Variants in DHRS11 observed in about 807,000 individuals in gnomAD.
The protein encoded by DHRS11 is dehydrogenase/reductase 11, also known as dehydrogenase/reductase SDR family member 11.
DHRS11 carries 18 observed loss-of-function variants against 30.7 expected under a neutral mutation model. The ratio of observed to expected loss-of-function variants is 0.59; its 90% CI spans 0.41 to 0.87. The LOEUF is 0.87. DHRS11 is among the 40% of genes least tolerant of loss of function. The pLI, the probability that DHRS11 is intolerant of heterozygous loss-of-function variation, is 0.00. For missense variants in DHRS11, 300 were observed against 349.0 expected (o/e 0.86, Z 1.12); for synonymous variants, 123 against 139.6 (o/e 0.88, Z 0.84).
intron 2 of DHRS11, chr17:36,597,548 C>T (rs1395417492): frequency 8.9e-5 from 14 of 158,112 alleles, no homozygotes; most frequent in Non-Finnish European, 5.5e-5. Flanking sequence ...CTAGAGTCTC[C>T]GTGCCTAGTC....
intron 1 of DHRS11, among the ~76,000 whole-genome samples, chr17:36,593,604 G>A (rs1791797196): frequency 6.6e-6 from 1 of 152,232 alleles, no homozygotes; most frequent in Non-Finnish European, 1.5e-5. Flanking sequence ...CCTGTTTCCT[G>A]AAGTGATCAA....
Position 36,598,926 on chromosome 17 carries a change from C to T in DHRS11, c.458C>T (p.Ser153Phe). Residue 153 changes from serine (S) to phenylalanine (F), a missense_variant, in exon 4 of 7, where the codon TCT becomes TTT. Ser to Phe is a radical substitution (Grantham distance 155). Coordinates refer to ENST00000618403, the MANE Select transcript of DHRS11 (RefSeq NM_024308.4). ...DGHIININSM[S>F]GHRVLPLSVT... ...CCCTTCCTCTCCCCACCCAGCATGTCTGGCCACCGAGTGTTACCCCTGTCT... is the reference window on the plus strand; with the variant it reads ...CCCTTCCTCTCCCCACCCAGCATGTTTGGCCACCGAGTGTTACCCCTGTCT... 2 of 1,612,554 alleles carry T rather than the reference C, an allele frequency of 1.2e-6. No individual in the cohort carries two copies. The highest frequency in any genetic ancestry group is 8.5e-7 in the Non-Finnish European group (1 of 1,179,412).
chr17:36,592,060 G>A lies in DHRS11; in HGVS notation c.51G>A (p.Thr17=), dbSNP rs963143057. The A allele has an allele frequency of 8.1e-7, 1 of 1,236,358 alleles. No homozygotes were observed. The highest frequency in any genetic ancestry group is 3.1e-5 in the East Asian group (1 of 31,826). 76.6% of individuals were successfully genotyped at this position (1,236,358 alleles called of 1,614,324 possible). A position where few individuals can be genotyped will look rare whatever the true frequency, so the allele number is the denominator to read the frequency against. The part of the protein sequence containing the change: ...ERWRDRLALV[T]GASGGIGAAV... The stretch of plus-strand genomic sequence containing the variant: ...GGCGCGACCGGCTGGCGCTGGTGAC[G>A]GGGGCCTCGGGGGGCATCGGCGCGG... The change falls in exon 1 of 7, where the codon ACG becomes ACA. Residue 17 remains threonine (T), a synonymous_variant. Transcript: ENST00000618403. This position sits in a 1 kb window ranked among gnomAD's most constrained non-coding sequence, Gnocchi z 4.4.
Position 36,595,147 on chromosome 17 carries a change from A to G in DHRS11, c.324A>G (p.Ser108=), listed in dbSNP as rs749654814. 14 of 1,613,908 alleles carry G rather than the reference A, an allele frequency of 8.7e-6. No homozygotes were observed. In the East Asian group the frequency reaches 2.9e-4, roughly 33 times the overall value. The part of the protein sequence containing the change: ...AGLARPDTLL[S]GSTSGWKDMF... ...TGGCCCGGCCTGACACCCTGCTCTC[A>G]GGCAGCACCAGTGGTTGGAAGGACA... Residue 108 remains serine, a synonymous_variant, in exon 2 of 7, where the codon TCA becomes TCG. Transcript: ENST00000618403.
At position 36,591,893 on chromosome 17, in the gene DHRS11, T is replaced by C; in HGVS notation, c.-117T>C. 9.2e-7 allele frequency: 1 copy of C among 1,089,914 alleles called. No homozygotes were observed. The highest frequency in any genetic ancestry group is 1.2e-6 in the Non-Finnish European group (1 of 865,600). 67.5% of individuals were successfully genotyped at this position (1,089,914 alleles called of 1,614,324 possible). ...GGAGGCAGGCCGGGACTCTGGTGGG[T>C]CTAGGCGCGGATCGGACCCAAGCAG... On this transcript the variant is annotated 5_prime_UTR_variant, in exon 1 of 7. Coordinates refer to ENST00000618403, the MANE Select transcript of DHRS11 (RefSeq NM_024308.4).
chr17:36,599,820 G>T, intron 5 of DHRS11, 57 bp downstream of exon 5: 1 of 1,602,688 alleles, frequency 6.2e-7, no homozygotes, highest in South Asian at 1.1e-5. Flanking sequence ...AAGGCAGAGG[G>T]AAGCTCGGCC....
intron 4 of DHRS11, 172 bp from the exon 5 acceptor site, chr17:36,599,499 T>C: frequency 1.6e-6 from 1 of 632,698 alleles, no homozygotes; most frequent in Non-Finnish European, 2.8e-6. Context: ...CTGTAGATGG[T>C]AGGTATCATT....
chr17:36,598,648 C>A, intron 3 of DHRS11: 1 of 527,360 alleles, frequency 1.9e-6, no homozygotes, highest in Non-Finnish European at 3.4e-6. Flanking sequence ...AGTGAACATA[C>A]AGATTAGATG....
Position 36,591,941 on chromosome 17 carries a change from C to G in DHRS11, c.-69C>G. 1 of 1,216,392 alleles carries G rather than the reference C, an allele frequency of 8.2e-7. No individual in the cohort carries two copies. Among genetic ancestry groups the G allele is most frequent in the Non-Finnish European group, 1.0e-6 (1 of 977,438 alleles). The allele number at this position is 1,216,392 out of a possible 1,614,324, so 75.3% of individuals were successfully genotyped here. A position where few individuals can be genotyped will look rare whatever the true frequency, so the allele number is the denominator to read the frequency against. ...CAGGTCGGCGGCGGCGGCAGGAGAG[C>G]GGCCGGGCGTCAGCTCCTCGACCCC... On this transcript the variant is annotated 5_prime_UTR_variant, in exon 1 of 7. Transcript: ENST00000618403.
Position 36,598,146 on chromosome 17 carries a change from C to T in DHRS11, c.358-17C>T. 6.2e-6 allele frequency: 10 copies of T among 1,613,542 alleles called. No homozygotes were observed. The highest frequency in any genetic ancestry group is 8.5e-6 in the Non-Finnish European group (10 of 1,179,630). On this transcript the variant is annotated splice_polypyrimidine_tract_variant and intron_variant, in intron 2 of 6. Coordinates refer to ENST00000618403, the MANE Select transcript of DHRS11 (RefSeq NM_024308.4). ...GGGCCGGAGTGGAGACACCTCATTG[C>T]CCTCCCTGGCCTGCAGGTGAACGTG...
At chr17:36,595,410 C>CTTT (rs34424724) in intron 2 of DHRS11, among the ~76,000 whole-genome samples, 1,430 of 51,652 alleles carry the variant, frequency 0.028, 316 homozygotes, top group Non-Finnish European at 0.038. Context: ...GGAGGTAGTT[C>CTTT]TTTTTTTTTT....
At position 36,600,611 on chromosome 17, in the gene DHRS11, G is replaced by A. The variant is rs2074852499; in HGVS notation, c.*408G>A. 1 of 282,154 alleles carries A rather than the reference G, an allele frequency of 3.5e-6. No homozygotes were observed. Among genetic ancestry groups the A allele is most frequent in the Non-Finnish European group, 6.8e-6 (1 of 146,854 alleles). 17.5% of individuals were successfully genotyped at this position (282,154 alleles called of 1,614,324 possible). On this transcript the variant is annotated 3_prime_UTR_variant, in exon 7 of 7. Coordinates refer to ENST00000618403, the MANE Select transcript of DHRS11 (RefSeq NM_024308.4). ...ATCTGTGTTGTTATCCAGGGCTCCA[G>A]ACTTCCTCCTCTGCCTGCCCCACTG...
Position 36,595,016 on chromosome 17 carries a change from A to T in DHRS11, c.193A>T (p.Ile65Phe). 5 of 1,614,142 alleles carry T rather than the reference A, an allele frequency of 3.1e-6. No individual in the cohort carries two copies. Among genetic ancestry groups the T allele is most frequent in the East Asian group, 4.5e-5 (2 of 44,884 alleles). Residue 65 changes from isoleucine (I) to phenylalanine (F), a missense_variant, in exon 2 of 7, where the codon ATC (isoleucine) becomes TTC (phenylalanine). Coordinates refer to ENST00000618403, the MANE Select transcript of DHRS11 (RefSeq NM_024308.4). ...CKSAGYPGTL[I>F]PYRCDLSNEE... ...GAGTGCAGGCTACCCCGGGACTTTG[A>T]TCCCCTACAGATGTGACCTATCAAA...
At position 36,599,780 on chromosome 17, in the gene DHRS11, A is replaced by G; in HGVS notation, c.675+17A>G. 1 of 1,613,816 alleles carries G rather than the reference A, an allele frequency of 6.2e-7. No individual in the cohort carries two copies. Among genetic ancestry groups the G allele is most frequent in the South Asian group, 1.1e-5 (1 of 91,068 alleles). ...CAAATGAAGGTGGGGCCTCCCTCTG[A>G]GCCTGGTGAAGCCACTGACTCCCTA... On this transcript the variant is annotated intron_variant, in intron 5 of 6. Transcript: ENST00000618403.
At chr17:36,599,143 C>G (rs1325835383) in intron 4 of DHRS11, 93 bp downstream of exon 4, 3 of 1,495,612 alleles carry the variant, frequency 2.0e-6, no homozygotes, top group Non-Finnish European at 2.7e-6. Flanking sequence ...CAGAATGTGC[C>G]GCTCAGAGCT....
intron 4 of DHRS11, 36 bp from the exon 5 acceptor site, chr17:36,599,635 G>C: frequency 6.2e-7 from 1 of 1,611,512 alleles, no homozygotes; most frequent in Non-Finnish European, 8.5e-7. Context: ...ACCTGGCAAA[G>C]CTCAGCCCCT....
intron 2 of DHRS11, 98 bp downstream of exon 2, chr17:36,595,278 T>A: frequency 7.2e-7 from 1 of 1,385,728 alleles, no homozygotes; most frequent in Non-Finnish European, 9.9e-7. Flanking sequence ...ACGGGACATC[T>A]AGGAAGAGGG....
rs183546692 is a variant in DHRS11, at chr17:36,595,006, C to G, written c.183C>G (p.Pro61=). 2 of 1,614,144 alleles carry G rather than the reference C, an allele frequency of 1.2e-6. No homozygotes were observed. Among genetic ancestry groups the G allele is most frequent in the East Asian group, 2.2e-5 (1 of 44,886 alleles). ...CTGAATGTAAGAGTGCAGGCTACCC[C>G]GGGACTTTGATCCCCTACAGATGTG... is the stretch of plus-strand genomic sequence containing the variant. ...LAAECKSAGY[P]GTLIPYRCDL... Residue 61 remains proline (P), a synonymous_variant, in exon 2 of 7, where the codon CCC becomes CCG. Transcript: ENST00000618403.
Position 36,592,180 on chromosome 17 carries a change from A to C in DHRS11, c.147+24A>C, listed in dbSNP as rs2142808428. ...AGGTGAGGCCGGGCCGAGGGCGGGG[A>C]CGTCGCGGGCGGGTCGTTTCCCCGG... On this transcript the variant is annotated intron_variant, in intron 1 of 6. Coordinates refer to ENST00000618403, the MANE Select transcript of DHRS11 (RefSeq NM_024308.4). This position sits in a 1 kb window ranked among gnomAD's most constrained non-coding sequence, Gnocchi z 4.4. 1 of 1,263,186 alleles carries C rather than the reference A, an allele frequency of 7.9e-7. No homozygotes were observed. Among genetic ancestry groups the C allele is most frequent in the East Asian group, 3.0e-5 (1 of 33,464 alleles). 78.2% of individuals were successfully genotyped at this position (1,263,186 alleles called of 1,614,324 possible). A position where few individuals can be genotyped will look rare whatever the true frequency, so the allele number is the denominator to read the frequency against.
Sources: gnomAD v4.1 joint callset for allele counts (sites outside exome capture counted in the v4.1 genomes callset) on GRCh38, gnomAD v4.1.1 for gene constraint, Gnocchi (gnomAD v3.1) non-coding constraint, MANE v1.5 for transcripts, NCBI Gene and HGNC (gene_info 2026-07-23, HGNC 2026-07-21) for gene names.